The following STK17B variants were observed in gnomAD, a reference collection of about 807,000 sequenced individuals.
STK17B encodes serine/threonine kinase 17b, also known as serine/threonine-protein kinase 17B.
In STK17B, 21 loss-of-function variants were observed where a neutral mutation model predicts 42.0. The ratio of observed to expected loss-of-function variants is 0.50; its 90% CI spans 0.35 to 0.72. The LOEUF (loss-of-function observed/expected upper bound fraction) is 0.72, where lower values mean the gene tolerates loss of function less well. Among genes scored for constraint, STK17B ranks in the 30% least tolerant of loss-of-function variants. STK17B has a pLI of 0.00. For synonymous variants in STK17B, 143 were observed against 148.4 expected, an observed-to-expected ratio of 0.96 and a Z score of 0.26; for missense variants, 349 against 446.0, an observed-to-expected ratio of 0.78 and a Z score of 1.96.
At chr2:196,173,782 G>A (rs971788276), upstream of STK17B, among the ~76,000 whole-genome samples, 1 of 152,114 alleles carries the variant, frequency 6.6e-6, no homozygotes, top group African/African-American at 2.4e-5. Flanking sequence ...GACACATTCC[G>A]ACCAGGGATG....
upstream of STK17B, among the ~76,000 whole-genome samples, chr2:196,173,097 A>T (rs1222311298): frequency 6.6e-6 from 1 of 152,104 alleles, no homozygotes; most frequent in Non-Finnish European, 1.5e-5. Flanking sequence ...CCCCGTCACT[A>T]ATCCAGTCCC....
At position 196,139,631 on chromosome 2, in the gene STK17B, T is replaced by C; in HGVS notation, c.825A>G (p.Val275=). 7.3e-7 allele frequency: 1 copy of C among 1,377,566 alleles called. No individual in the cohort carries two copies. Among genetic ancestry groups the C allele is most frequent in the Non-Finnish European group, 9.5e-7 (1 of 1,056,948 alleles). 85.3% of individuals were successfully genotyped at this position (1,377,566 alleles called of 1,614,324 possible). ...LATDFIQSLL[V]KNPEKRPTAE... is the part of the protein sequence containing the mutation. ...AAATTATTACTTACTCTGGATTTTTTACTAAAAGGCTCTGAATAAAGTCTG... is the reference window on the plus strand; with the variant it reads ...AAATTATTACTTACTCTGGATTTTTCACTAAAAGGCTCTGAATAAAGTCTG... The change falls in exon 7 of 8, where the codon GTA becomes GTG. Residue 275 remains valine, a synonymous_variant. Transcript: ENST00000263955.
chr2:196,148,886 A>G (rs902104809), intron 3 of STK17B, among the ~76,000 whole-genome samples: 2 of 152,238 alleles, frequency 1.3e-5, no homozygotes, highest in Admixed American at 6.5e-5. Flanking sequence ...ACAGGATAGC[A>G]TGGTGCATAT....
At chr2:196,166,666 A>T (rs1699877549) in intron 1 of STK17B, among the ~76,000 whole-genome samples, 1 of 152,182 alleles carries the variant, frequency 6.6e-6, no homozygotes, top group African/African-American at 2.4e-5. Context: ...TCATTATAAT[A>T]ATTACCAAAA....
In STK17B at chr2:196,145,847, C is replaced by T. The variant is rs560614970; in HGVS notation, c.480+64G>A. 52 of 1,451,954 alleles carry T rather than the reference C, an allele frequency of 3.6e-5. No individual in the cohort carries two copies. In the South Asian group the frequency reaches 6.7e-4, roughly 19 times the overall value. The allele number at this position is 1,451,954 out of a possible 1,614,324, so 89.9% of individuals were successfully genotyped here. A position where few individuals can be genotyped will look rare whatever the true frequency, so the allele number is the denominator to read the frequency against. The stretch of plus-strand genomic sequence containing the variant: ...GTTTCCTGTTAATACCAGTTTGCAA[C>T]TGTGCATACTAAGAGCAGAAGAAGA... On this transcript the variant is annotated intron_variant, in intron 4 of 7. Transcript: ENST00000263955.
upstream of STK17B, chr2:196,171,599 G>A (rs955717861): frequency 6.6e-6 from 1 of 152,170 alleles, no homozygotes; most frequent in Non-Finnish European, 1.5e-5. Context: ...GCCGCGTCTG[G>A]GGCATCGCCG....
At chr2:196,153,608 C>T (rs1403540000) in intron 3 of STK17B, 1 of 152,130 alleles carries the variant, frequency 6.6e-6, no homozygotes, top group Non-Finnish European at 1.5e-5. Flanking sequence ...CTTAAAAGAA[C>T]CAGAACTTCT....
intron 3 of STK17B, chr2:196,153,255 C>CAAAAAAAAAAAAAAAAAAA (rs397704679): frequency 1.8e-5 from 2 of 108,588 alleles, no homozygotes; most frequent in Non-Finnish European, 3.8e-5. Flanking sequence ...AAACAATGTC[C>CAAAAAAAAAAAAAAAAAAA]AAAAAAAAAA....
intron 2 of STK17B, among the ~76,000 whole-genome samples, chr2:196,158,664 T>G (rs532314875): frequency 2.0e-5 from 3 of 152,174 alleles, no homozygotes; most frequent in Non-Finnish European, 4.4e-5. Context: ...AACTGTGAAA[T>G]GTGAATTCCT....
intron 2 of STK17B, among the ~76,000 whole-genome samples, chr2:196,157,691 T>C (rs763288749): frequency 2.0e-5 from 3 of 152,238 alleles, no homozygotes; most frequent in Admixed American, 6.5e-5. Context: ...AGGTCATGTT[T>C]ATCATTTTAG....
intron 2 of STK17B, among the ~76,000 whole-genome samples, chr2:196,162,459 A>G (rs937224608): frequency 1.3e-5 from 2 of 151,686 alleles, no homozygotes; most frequent in Non-Finnish European, 2.9e-5. Flanking sequence ...TAGGAATTTA[A>G]AAAAATATTT....
intron 3 of STK17B, among the ~76,000 whole-genome samples, chr2:196,150,343 A>G (rs1359604509): frequency 2.6e-5 from 4 of 152,216 alleles, no homozygotes; most frequent in Non-Finnish European, 5.9e-5. Flanking sequence ...AACAAAAGAA[A>G]TTTAGAAATT....
At chr2:196,158,288 C>G (rs886357458) in intron 2 of STK17B, among the ~76,000 whole-genome samples, 5 of 152,148 alleles carry the variant, frequency 3.3e-5, no homozygotes, top group African/African-American at 1.2e-4. Flanking sequence ...ACAAAGAGTC[C>G]TACTTTTTAT....
At chr2:196,158,564 T>C (rs1239866183) in intron 2 of STK17B, among the ~76,000 whole-genome samples, 1 of 152,172 alleles carries the variant, frequency 6.6e-6, no homozygotes, top group Non-Finnish European at 1.5e-5. Flanking sequence ...TCCACTGGTG[T>C]TTCATAAATT....
At chr2:196,159,010 C>A (rs1444454525) in intron 2 of STK17B, among the ~76,000 whole-genome samples, 466 of 127,178 alleles carry the variant, frequency 3.7e-3, no homozygotes, top group Admixed American at 4.1e-3. Context: ...GACTGTGTCT[C>A]AAAAAAAAAA....
At chr2:196,172,072 A>G (rs1699955459), upstream of STK17B, among the ~76,000 whole-genome samples, 1 of 152,220 alleles carries the variant, frequency 6.6e-6, no homozygotes, top group Non-Finnish European at 1.5e-5. Flanking sequence ...CTGTAAGTGG[A>G]GAACCCAGTT....
chr2:196,139,843 A>G (rs758396433), intron 6 of STK17B, 44 bp from the exon 7 acceptor site: 1 of 1,295,788 alleles, frequency 7.7e-7, no homozygotes, highest in South Asian at 2.8e-5. Context: ...GTTAATTTTT[A>G]AACATTTATA....
intron 2 of STK17B, among the ~76,000 whole-genome samples, chr2:196,161,511 CTT>C (rs71009086): frequency 2.6e-4 from 18 of 69,514 alleles, no homozygotes; most frequent in Admixed American, 8.9e-4. Flanking sequence ...TATTATAATT[CTT>C]TTTTTTTTTT....
At chr2:196,146,683 A>G (rs1699581398) in intron 3 of STK17B, among the ~76,000 whole-genome samples, 3 of 152,100 alleles carry the variant, frequency 2.0e-5, no homozygotes, top group Admixed American at 1.3e-4. Flanking sequence ...ATGTACATCT[A>G]TATGTATTCA....
Sources: allele counts gnomAD v4.1 joint callset (sites outside exome capture counted in the v4.1 genomes callset), GRCh38; gene constraint gnomAD v4.1.1; transcripts MANE v1.5; gene names NCBI Gene and HGNC (gene_info 2026-07-23, HGNC 2026-07-21).